The following LDLRAD4 variants were observed in gnomAD, a reference collection of about 807,000 sequenced individuals.
LDLRAD4 encodes low-density lipoprotein receptor class A domain-containing protein 4.
LDLRAD4 carries 5 observed loss-of-function variants against 17.0 expected under a neutral mutation model. The ratio of observed to expected loss-of-function variants is 0.29; its 90% confidence interval spans 0.15 to 0.62. The LOEUF is 0.62. Ranked by LOEUF, LDLRAD4 falls within the 20% of genes least tolerant of loss-of-function variation. The pLI is 0.84. For missense variants in LDLRAD4, 340 were observed against 424.7 expected (o/e 0.80, Z 1.75); for synonymous variants, 168 against 171.8 (o/e 0.98, Z 0.17).
intron 3 of LDLRAD4, chr18:13,612,042 C>T (rs948370889): frequency 2.0e-6 from 2 of 985,414 alleles, no homozygotes; most frequent in Non-Finnish European, 2.4e-6. Context: ...GTGAGCGTCC[C>T]GCCTGTCGCG....
At chr18:13,521,382 G>A (rs2093951065) in intron 3 of LDLRAD4, 1 of 152,226 alleles carries the variant, frequency 6.6e-6, no homozygotes, top group Admixed American at 6.5e-5. Context: ...TCAGCCTGTT[G>A]TGGAAGATCT....
intron 1 of LDLRAD4, among the ~76,000 whole-genome samples, chr18:13,306,140 A>C (rs138399065): frequency 6.6e-6 from 1 of 152,368 alleles, no homozygotes; most frequent in African/African-American, 2.4e-5. Context: ...AAAGTGGTCT[A>C]TTCTGGAAAA....
intron 1 of LDLRAD4, among the ~76,000 whole-genome samples, chr18:13,324,303 A>AATT (rs1284120198): frequency 2.3e-5 from 3 of 131,816 alleles, no homozygotes; most frequent in African/African-American, 3.2e-5. Context: ...ACACCTGGCT[A>AATT]ATTTTTCGTA....
chr18:13,238,127 TA>T (rs1267464171), intron 1 of LDLRAD4, among the ~76,000 whole-genome samples: 1 of 152,156 alleles, frequency 6.6e-6, no homozygotes, highest in African/African-American at 2.4e-5. Context: ...AACTGTAAAC[TA>T]ACAGCAGGTG....
chr18:13,463,755 T>C (rs1236721932), intron 3 of LDLRAD4, among the ~76,000 whole-genome samples: 1 of 152,196 alleles, frequency 6.6e-6, no homozygotes, highest in Non-Finnish European at 1.5e-5. Context: ...CAGGCCAGCT[T>C]GACAGCCACC....
intron 2 of LDLRAD4, among the ~76,000 whole-genome samples, chr18:13,408,073 A>G (rs1380972789): frequency 5.3e-5 from 8 of 152,180 alleles, no homozygotes. Flanking sequence ...CTTATATTCA[A>G]TTATATATGA....
intron 3 of LDLRAD4, among the ~76,000 whole-genome samples, chr18:13,544,699 C>T (rs987933788): frequency 4.0e-4 from 61 of 152,124 alleles, no homozygotes; most frequent in African/African-American, 1.4e-3. Context: ...AACCTGTTGA[C>T]AGTGAAGCTA....
At chr18:13,479,777 A>G (rs1260063858) in intron 3 of LDLRAD4, among the ~76,000 whole-genome samples, 1 of 152,258 alleles carries the variant, frequency 6.6e-6, no homozygotes, top group Admixed American at 6.5e-5. Flanking sequence ...CAAAAATTTT[A>G]ATAGACACCT....
chr18:13,343,436 T>C (rs1352902469), intron 1 of LDLRAD4, among the ~76,000 whole-genome samples: 2 of 152,132 alleles, frequency 1.3e-5, no homozygotes, highest in Non-Finnish European at 1.5e-5. Context: ...GGCTGCATAG[T>C]ATTCCATGGT....
chr18:13,453,790 T>C (rs1024221501), intron 3 of LDLRAD4, among the ~76,000 whole-genome samples: 4 of 152,160 alleles, frequency 2.6e-5, no homozygotes, highest in African/African-American at 4.8e-5. Flanking sequence ...TTGCCCCTCA[T>C]TACCTCCCAG....
chr18:13,460,760 G>T (rs1218683987), intron 3 of LDLRAD4, among the ~76,000 whole-genome samples: 1 of 152,094 alleles, frequency 6.6e-6, no homozygotes, highest in East Asian at 1.9e-4. Flanking sequence ...TATTATATGT[G>T]TATTTAATTA....
chr18:13,287,484 G>A (rs1046033153), intron 1 of LDLRAD4, among the ~76,000 whole-genome samples: 1 of 152,214 alleles, frequency 6.6e-6, no homozygotes, highest in Non-Finnish European at 1.5e-5. Context: ...ATCTGATAAA[G>A]AGAAACTACC....
intron 2 of LDLRAD4, among the ~76,000 whole-genome samples, chr18:13,401,460 T>C (rs1023373170): frequency 6.6e-6 from 1 of 152,090 alleles, no homozygotes; most frequent in South Asian, 2.1e-4. Context: ...ACTTTATGTA[T>C]TTCCTGGCTC....
At chr18:13,225,372 C>G (rs2041727000) in intron 1 of LDLRAD4, among the ~76,000 whole-genome samples, 1 of 152,222 alleles carries the variant, frequency 6.6e-6, no homozygotes, top group African/African-American at 2.4e-5. Flanking sequence ...CCACCCCCAG[C>G]AGCTGGGATG....
chr18:13,497,044 C>T (rs1278552962), intron 3 of LDLRAD4, among the ~76,000 whole-genome samples: 1 of 152,208 alleles, frequency 6.6e-6, no homozygotes, highest in Non-Finnish European at 1.5e-5. Context: ...TGTTTTAAGC[C>T]ATAATGTTCA....
intron 3 of LDLRAD4, among the ~76,000 whole-genome samples, chr18:13,580,175 T>C (rs572926942): frequency 1.3e-5 from 2 of 152,318 alleles, no homozygotes; most frequent in East Asian, 3.9e-4. Context: ...GCCTCGTGCA[T>C]ACTGTGCACA....
intron 4 of LDLRAD4, chr18:13,642,084 GC>G (rs2042621827): frequency 3.0e-6 from 3 of 985,564 alleles, no homozygotes; most frequent in East Asian, 2.3e-4. Context: ...CCCGTCACAG[GC>G]GGTCCCTGAG....
intron 1 of LDLRAD4, among the ~76,000 whole-genome samples, chr18:13,308,403 C>G (rs919940863): frequency 6.6e-6 from 1 of 152,172 alleles, no homozygotes; most frequent in Non-Finnish European, 1.5e-5. Context: ...CTCAAACATG[C>G]ACGTGTACCT....
At chr18:13,387,718 G>T in exon 2 of LDLRAD4, 1 of 1,613,910 alleles carries the variant, frequency 6.2e-7, no homozygotes, top group Non-Finnish European at 8.5e-7. Context: ...TGTCCGGGGA[G>T]CAGTATGCCG....
Sources: allele counts gnomAD v4.1 joint callset (sites outside exome capture counted in the v4.1 genomes callset), GRCh38; gene constraint gnomAD v4.1.1; transcripts MANE v1.5; gene names NCBI Gene and HGNC (gene_info 2026-07-23, HGNC 2026-07-21).